HEBP1: variants seen among roughly 807,000 people sequenced by gnomAD.
HEBP1 encodes heme-binding protein 1.
Under a neutral mutation model 20.4 loss-of-function variants are expected in HEBP1, and 13 were observed. The observed-to-expected ratio is 0.64, with a 90% CI of 0.42 to 1.01. The LOEUF (loss-of-function observed/expected upper bound fraction) is 1.01. Among genes scored for constraint, HEBP1 ranks in the 50% least tolerant of loss-of-function variants. HEBP1 has a pLI of 0.00. For synonymous variants in HEBP1, 92 were observed against 90.7 expected (o/e 1.01, Z -0.08); for missense variants, 241 against 247.3 (o/e 0.97, Z 0.17).
chr12:12,982,184 C>A (rs1193807289), intron 3 of HEBP1, among the ~76,000 whole-genome samples: 3 of 152,086 alleles, frequency 2.0e-5, no homozygotes, highest in Non-Finnish European at 4.4e-5. Flanking sequence ...CCTTGGGAAG[C>A]TTGCATTCTA....
chr12:12,995,612 C>T (rs1443021897), intron 1 of HEBP1, among the ~76,000 whole-genome samples: 2 of 152,166 alleles, frequency 1.3e-5, no homozygotes, highest in Non-Finnish European at 2.9e-5. Context: ...ATTTGAACCA[C>T]GGGACCACTG....
chr12:12,995,721 G>A (rs1365383087), intron 1 of HEBP1, among the ~76,000 whole-genome samples: 3 of 152,222 alleles, frequency 2.0e-5, no homozygotes, highest in African/African-American at 7.2e-5. Context: ...CTGCTGTAGA[G>A]AATAAGGCAG....
Position 12,975,176 on chromosome 12 carries a change from G to A in HEBP1, c.*132C>T. 2 of 787,030 alleles carry A rather than the reference G, an allele frequency of 2.5e-6. No homozygotes were observed. The highest frequency in any genetic ancestry group is 2.1e-6 in the Non-Finnish European group (1 of 481,514). 48.8% of individuals were successfully genotyped at this position (787,030 alleles called of 1,614,324 possible). On this transcript the variant is annotated 3_prime_UTR_variant, in exon 4 of 4. Coordinates refer to ENST00000014930, the MANE Select transcript of HEBP1 (RefSeq NM_015987.5). ...ACATGCTTTTTTCAGAAAATTGGCA[G>A]TAACTGACTTTGAAGGAAAGTTGGT...
chr12:12,985,137 G>A (rs1864136349), intron 3 of HEBP1, among the ~76,000 whole-genome samples: 1 of 150,072 alleles, frequency 6.7e-6, no homozygotes, highest in Non-Finnish European at 1.5e-5. Flanking sequence ...AACAGAGAGA[G>A]ACTCCGTTGG....
At chr12:12,992,745 T>G (rs779602789) in intron 1 of HEBP1, among the ~76,000 whole-genome samples, 6 of 152,222 alleles carry the variant, frequency 3.9e-5, no homozygotes, top group Admixed American at 2.0e-4. Flanking sequence ...TTTCTGTTGC[T>G]GCAGAGAATT....
At chr12:12,993,206 T>C (rs1369568719) in intron 1 of HEBP1, among the ~76,000 whole-genome samples, 1 of 132,758 alleles carries the variant, frequency 7.5e-6, no homozygotes, top group Non-Finnish European at 1.6e-5. Flanking sequence ...TTACAGGGTC[T>C]CATGGTTGCT....
Sources: allele counts gnomAD v4.1 joint callset (sites outside exome capture counted in the v4.1 genomes callset), GRCh38; gene constraint gnomAD v4.1.1; transcripts MANE v1.5; gene names NCBI Gene and HGNC (gene_info 2026-07-23, HGNC 2026-07-21).